LONP2: variants seen among roughly 807,000 people sequenced by gnomAD.
LONP2 encodes the protein lon peptidase 2, peroxisomal.
Under a neutral mutation model 85.6 loss-of-function variants are expected in LONP2, and 60 were observed. The observed-to-expected ratio is 0.70, with a 90% CI of 0.57 to 0.87. LONP2 has a LOEUF of 0.87. LONP2 is among the 40% of genes least tolerant of loss of function. LONP2 has a pLI of 0.00. For synonymous variants in LONP2, 395 were observed against 389.7 expected, an observed-to-expected ratio of 1.01 and a Z score of -0.16; for missense variants, 860 against 1,063.5, an observed-to-expected ratio of 0.81 and a Z score of 2.66.
At chr16:48,285,388 GA>G (rs1182032387) in intron 8 of LONP2, among the ~76,000 whole-genome samples, 1 of 151,996 alleles carries the variant, frequency 6.6e-6, no homozygotes, top group African/African-American at 2.4e-5. Flanking sequence ...CATCAAATTT[GA>G]GAAGTATGTG....
At chr16:48,266,265 A>G (rs1204550571) in intron 6 of LONP2, among the ~76,000 whole-genome samples, 1 of 151,906 alleles carries the variant, frequency 6.6e-6, no homozygotes, top group African/African-American at 2.4e-5. Context: ...TCGGCCTCCC[A>G]AAGTGCTGGG....
intron 8 of LONP2, among the ~76,000 whole-genome samples, chr16:48,279,444 A>C (rs1972280536): frequency 6.6e-6 from 1 of 152,082 alleles, no homozygotes; most frequent in South Asian, 2.1e-4. Flanking sequence ...TGCCTTGAGA[A>C]TGAAGGCCTG....
At chr16:48,286,763 C>T (rs1474672271) in intron 8 of LONP2, among the ~76,000 whole-genome samples, 1 of 151,890 alleles carries the variant, frequency 6.6e-6, no homozygotes, top group Non-Finnish European at 1.5e-5. Flanking sequence ...TCCCAGAGTA[C>T]TGGGATTACA....
Position 48,355,322 on chromosome 16 carries a change from C to T in LONP2, c.*3520C>T, listed in dbSNP as rs540564104. ...GATTTAGTGCCTTTATAAAGGGGCT[C>T]AAGGGAACCAATTACCTCCTTTTTG... On this transcript the variant is annotated 3_prime_UTR_variant, in exon 15 of 15. Transcript: ENST00000285737. 25 of 152,180 alleles carry T rather than the reference C, an allele frequency of 1.6e-4. No homozygotes were observed. The highest frequency in any genetic ancestry group is 5.8e-4 in the African/African-American group (24 of 41,528). 9.4% of individuals were successfully genotyped at this position (152,180 alleles called of 1,614,324 possible).
chr16:48,348,216 C>A lies in LONP2; in HGVS notation c.2263C>A (p.Leu755Ile), dbSNP rs1247271862. ...GVTIVTCLAS[L>I]FSGRLVRSDV... ...TACCATAGTAACCTGTCTCGCCTCA[C>A]TTTTTAGTGGGCGGCTGGTACGTTC... Residue 755 changes from leucine to isoleucine, a missense_variant, in exon 14 of 15, where the codon CTT (leucine) becomes ATT (isoleucine). Transcript: ENST00000285737. 6.2e-7 allele frequency: 1 copy of A among 1,612,264 alleles called. No homozygotes were observed. The highest frequency in any genetic ancestry group is 1.1e-5 in the South Asian group (1 of 90,522).
chr16:48,332,471 G>T (rs1778349987), intron 11 of LONP2, among the ~76,000 whole-genome samples: 3 of 152,078 alleles, frequency 2.0e-5, no homozygotes, highest in Non-Finnish European at 4.4e-5. Flanking sequence ...CAGCAGTTTG[G>T]GAGGCTGAGG....
At chr16:48,273,166 AAGCC>A (rs1299774277) in intron 7 of LONP2, among the ~76,000 whole-genome samples, 1 of 152,188 alleles carries the variant, frequency 6.6e-6, no homozygotes, top group Non-Finnish European at 1.5e-5. Context: ...AGGAAAAAGA[AAGCC>A]AGGGAAAAAG....
intron 8 of LONP2, 137 bp from the exon 9 acceptor site, chr16:48,295,878 A>T (rs1972657447): frequency 1.4e-6 from 1 of 732,164 alleles, no homozygotes; most frequent in South Asian, 1.7e-5. Flanking sequence ...TAATGCTCAG[A>T]TGTTAGTTTT....
downstream of LONP2, chr16:48,361,702 T>C (rs1204076982): frequency 6.2e-7 from 1 of 1,614,188 alleles, no homozygotes; most frequent in Admixed American, 1.7e-5. Context: ...CCTTCATGAA[T>C]AGATCGAGGA....
chr16:48,267,043 G>T (rs1245311418), intron 6 of LONP2, among the ~76,000 whole-genome samples: 1 of 152,234 alleles, frequency 6.6e-6, no homozygotes, highest in East Asian at 1.9e-4. Flanking sequence ...TTTGCATGTC[G>T]TGACAAAATA....
intron 11 of LONP2, among the ~76,000 whole-genome samples, chr16:48,313,190 A>G (rs916106753): frequency 2.6e-5 from 4 of 152,206 alleles, no homozygotes; most frequent in African/African-American, 9.7e-5. Flanking sequence ...AAATAAATAA[A>G]AACTCCTGGG....
intron 11 of LONP2, among the ~76,000 whole-genome samples, chr16:48,333,122 C>G (rs1959511909): frequency 6.6e-6 from 1 of 151,982 alleles, no homozygotes; most frequent in African/African-American, 2.4e-5. Context: ...CAAGTATTTC[C>G]TGCAGTTTTA....
intron 8 of LONP2, among the ~76,000 whole-genome samples, chr16:48,291,799 G>A (rs1972562108): frequency 6.6e-6 from 1 of 152,144 alleles, no homozygotes; most frequent in Non-Finnish European, 1.5e-5. Flanking sequence ...TCTGAGTAGT[G>A]ATTACCAGAA....
At chr16:48,260,304 A>G (rs551043863) in intron 4 of LONP2, among the ~76,000 whole-genome samples, 1 of 152,356 alleles carries the variant, frequency 6.6e-6, no homozygotes, top group South Asian at 2.1e-4. Flanking sequence ...CAGGTTAAAA[A>G]ATAAGTTCTG....
At chr16:48,322,974 A>C (rs1273480009) in intron 11 of LONP2, among the ~76,000 whole-genome samples, 1 of 152,166 alleles carries the variant, frequency 6.6e-6, no homozygotes, top group Non-Finnish European at 1.5e-5. Context: ...GTCTTCTGGG[A>C]CTTCTGTCAT....
intron 12 of LONP2, chr16:48,336,468 G>A: frequency 1.5e-5 from 7 of 455,988 alleles, no homozygotes; most frequent in South Asian, 1.1e-4. Context: ...CTTTGTGTGA[G>A]CAACAAGGCT....
At chr16:48,317,954 G>A (rs1973179876) in intron 11 of LONP2, among the ~76,000 whole-genome samples, 1 of 152,158 alleles carries the variant, frequency 6.6e-6, no homozygotes, top group Admixed American at 6.5e-5. Context: ...ATTTGCCTTA[G>A]GTGGGACAGT....
intron 8 of LONP2, among the ~76,000 whole-genome samples, chr16:48,282,823 T>A (rs372829935): frequency 5.9e-5 from 9 of 152,254 alleles, no homozygotes; most frequent in African/African-American, 1.9e-4. Context: ...GTCACACATC[T>A]CATTGTAAAT....
chr16:48,283,867 C>T (rs1344550905), intron 8 of LONP2, among the ~76,000 whole-genome samples: 2 of 152,022 alleles, frequency 1.3e-5, no homozygotes, highest in African/African-American at 2.4e-5. Flanking sequence ...TGCATCAGGG[C>T]GAAGTACATT....
Sources: gnomAD v4.1 joint callset for allele counts (sites outside exome capture counted in the v4.1 genomes callset) on GRCh38, gnomAD v4.1.1 for gene constraint, MANE v1.5 for transcripts, NCBI Gene and HGNC (gene_info 2026-07-23, HGNC 2026-07-21) for gene names.